The following RBP2 variants were observed in gnomAD, a reference collection of about 807,000 sequenced individuals.
RBP2 encodes retinol binding protein 2.
A neutral mutation model predicts 17.0 loss-of-function variants in RBP2; 17 were observed. The ratio of observed to expected loss-of-function variants is 1.00; its 90% confidence interval spans 0.68 to 1.50. The LOEUF is 1.50. Among genes scored for constraint, RBP2 ranks in the 40% most tolerant of loss-of-function variants. RBP2 has a pLI of 0.00. For synonymous variants in RBP2, 48 were observed against 57.1 expected (o/e 0.84, Z 0.72); for missense variants, 158 against 168.2 (o/e 0.94, Z 0.33).
chr3:139,456,556 G>A (rs1416380704), intron 2 of RBP2, among the ~76,000 whole-genome samples: 2 of 152,098 alleles, frequency 1.3e-5, no homozygotes, highest in Non-Finnish European at 2.9e-5. Context: ...GGTTTAAGTC[G>A]AAAAAGCAAG....
chr3:139,462,856 C>T (rs943095635), intron 1 of RBP2, among the ~76,000 whole-genome samples: 1 of 152,106 alleles, frequency 6.6e-6, no homozygotes. Flanking sequence ...TTTTTCGAGA[C>T]AGGGTCTCAC....
intron 1 of RBP2, among the ~76,000 whole-genome samples, chr3:139,470,100 A>G (rs1933508920): frequency 6.6e-6 from 1 of 152,110 alleles, no homozygotes; most frequent in African/African-American, 2.4e-5. Context: ...TTAATACTCC[A>G]TTTGAATGTG....
chr3:139,454,097 A>T (rs1342355190), intron 3 of RBP2, among the ~76,000 whole-genome samples: 1 of 152,214 alleles, frequency 6.6e-6, no homozygotes, highest in Non-Finnish European at 1.5e-5. Context: ...TGAGCGAAAA[A>T]GGATGAAGGA....
intron 2 of RBP2, among the ~76,000 whole-genome samples, chr3:139,456,805 TA>T (rs1243836320): frequency 1.3e-5 from 2 of 152,002 alleles, no homozygotes; most frequent in African/African-American, 4.8e-5. Flanking sequence ...ACATGTTTTC[TA>T]AAGAAAAAAA....
At chr3:139,459,400 ATGTGTGTG>A (rs57107462) in intron 2 of RBP2, among the ~76,000 whole-genome samples, 7 of 128,552 alleles carry the variant, frequency 5.4e-5, no homozygotes, top group Non-Finnish European at 9.6e-5. Flanking sequence ...TACTATATAT[ATGTGTGTG>A]TGTGTGTGTG....
chr3:139,474,306 A>T (rs960506448), intron 1 of RBP2, among the ~76,000 whole-genome samples: 11 of 152,156 alleles, frequency 7.2e-5, no homozygotes, highest in African/African-American at 2.2e-4. Flanking sequence ...GAGAGAGCTG[A>T]TGGTGTAGTG....
chr3:139,471,438 G>A (rs1325794548), intron 1 of RBP2, among the ~76,000 whole-genome samples: 1 of 152,166 alleles, frequency 6.6e-6, no homozygotes, highest in Non-Finnish European at 1.5e-5. Flanking sequence ...CCTTCCTAGT[G>A]GAGCTTTCAG....
intron 2 of RBP2, among the ~76,000 whole-genome samples, chr3:139,456,546 G>T (rs2107866171): frequency 6.6e-6 from 1 of 152,244 alleles, no homozygotes; most frequent in Non-Finnish European, 1.5e-5. Flanking sequence ...CGTAGTGTAT[G>T]GTTTAAGTCG....
chr3:139,472,870 G>T (rs1933610942), intron 1 of RBP2, among the ~76,000 whole-genome samples: 1 of 152,192 alleles, frequency 6.6e-6, no homozygotes, highest in Non-Finnish European at 1.5e-5. Context: ...AGATTCCAGG[G>T]TTGGTTCTGC....
chr3:139,453,245 G>A, intron 3 of RBP2, 79 bp from the exon 4 acceptor site: 1 of 1,530,924 alleles, frequency 6.5e-7, no homozygotes, highest in South Asian at 1.1e-5. Context: ...TTGGTATCTG[G>A]GGGTGGGAGG....
At chr3:139,459,479 CA>C (rs1933111009) in intron 2 of RBP2, among the ~76,000 whole-genome samples, 2 of 145,500 alleles carry the variant, frequency 1.4e-5, no homozygotes, top group Non-Finnish European at 3.0e-5. Flanking sequence ...TATATTTAGC[CA>C]GGCATGGTGG....
intron 1 of RBP2, among the ~76,000 whole-genome samples, chr3:139,472,928 G>A (rs908272274): frequency 6.6e-6 from 1 of 152,146 alleles, no homozygotes; most frequent in Non-Finnish European, 1.5e-5. Context: ...TAAAGCTTTG[G>A]TAGAGAAGTT....
At chr3:139,453,261 A>C in intron 3 of RBP2, 95 bp from the exon 4 acceptor site, 1 of 1,398,086 alleles carries the variant, frequency 7.2e-7, no homozygotes, top group Non-Finnish European at 1.0e-6. Context: ...GGAGGTTGGA[A>C]TAAAGAGGAC....
At chr3:139,463,240 G>A (rs1933252427) in intron 1 of RBP2, among the ~76,000 whole-genome samples, 1 of 151,978 alleles carries the variant, frequency 6.6e-6, no homozygotes, top group South Asian at 2.1e-4. Context: ...AGACTGGAGT[G>A]CAGTGGTGCA....
intron 1 of RBP2, among the ~76,000 whole-genome samples, chr3:139,474,041 A>C (rs1227606457): frequency 6.6e-6 from 1 of 152,216 alleles, no homozygotes; most frequent in East Asian, 1.9e-4. Context: ...AGATCATGGG[A>C]CAAAGAGATC....
intron 1 of RBP2, among the ~76,000 whole-genome samples, chr3:139,475,994 T>C (rs746878957): frequency 4.6e-5 from 7 of 152,192 alleles, no homozygotes; most frequent in Non-Finnish European, 1.0e-4. Context: ...AAAAGAACAA[T>C]GCAGAGGTCA....
At chr3:139,464,743 C>G (rs983897666) in intron 1 of RBP2, among the ~76,000 whole-genome samples, 2 of 152,180 alleles carry the variant, frequency 1.3e-5, no homozygotes, top group African/African-American at 4.8e-5. Flanking sequence ...GCACAAATGC[C>G]AGTGCCTTGC....
At chr3:139,475,644 A>G (rs2107887214) in intron 1 of RBP2, among the ~76,000 whole-genome samples, 1 of 152,354 alleles carries the variant, frequency 6.6e-6, no homozygotes, top group Non-Finnish European at 1.5e-5. Context: ...GAATAAGGTC[A>G]GGCAGCCAAA....
At chr3:139,461,065 A>G (rs1431696891) in intron 2 of RBP2, among the ~76,000 whole-genome samples, 1 of 152,180 alleles carries the variant, frequency 6.6e-6, no homozygotes, top group African/African-American at 2.4e-5. Flanking sequence ...GATTTCTCCT[A>G]TTCCTGTTTG....
Sources: allele counts gnomAD v4.1 joint callset (sites outside exome capture counted in the v4.1 genomes callset), GRCh38; gene constraint gnomAD v4.1.1; transcripts MANE v1.5; gene names NCBI Gene and HGNC (gene_info 2026-07-23, HGNC 2026-07-21).